WASHC5: variants seen among roughly 807,000 people sequenced by gnomAD.
WASHC5 encodes the protein WASH complex subunit 5.
A neutral mutation model predicts 150.4 loss-of-function variants in WASHC5; 101 were observed. The ratio of observed to expected loss-of-function variants is 0.67; its 90% CI spans 0.57 to 0.79. WASHC5 has a LOEUF of 0.79. Among genes scored for constraint, WASHC5 ranks in the 30% least tolerant of loss-of-function variants. The pLI is 0.00. For synonymous variants in WASHC5, 467 were observed against 491.2 expected (o/e 0.95, Z 0.65); for missense variants, 1,195 against 1,396.3 (o/e 0.86, Z 2.30).
chr8:125,076,481 G>A lies in WASHC5; in HGVS notation c.731C>T (p.Pro244Leu), dbSNP rs759414886. 31 of 1,613,710 alleles carry A rather than the reference G, an allele frequency of 1.9e-5. No homozygotes were observed. Among genetic ancestry groups the A allele is most frequent in the Middle Eastern group, 1.6e-4 (1 of 6,082 alleles). The change falls in exon 7 of 29, where the codon CCG (proline) becomes CTG (leucine). Residue 244 changes from proline (P) to leucine (L), a missense_variant. By Grantham distance (98) the Pro-to-Leu change is moderately conservative. This residue lies in a region of WASHC5 where 997 missense variants were observed against 1,168.1 expected (regional missense o/e 0.85). Transcript: ENST00000318410. ...IYNQVSAYPLPEHRSTALANQ... is the reference protein window; with the variant it reads ...IYNQVSAYPLLEHRSTALANQ... ...TGCCAGGGCTGTGCTGCGATGCTCC[G>A]GCAAAGGATACGCTGAGACCTGCAA...
intron 25 of WASHC5, among the ~76,000 whole-genome samples, chr8:125,037,953 C>T (rs780684371): frequency 1.3e-5 from 2 of 152,126 alleles, no homozygotes; most frequent in East Asian, 1.9e-4. Flanking sequence ...GGGTAGCACA[C>T]GGGTCAGAAG....
At position 125,059,653 on chromosome 8, in the gene WASHC5, A is replaced by G. The variant is rs1361994929; in HGVS notation, c.1522-111T>C. ...ACACTACTTCTGACAATTTCTTGAT[A>G]AAGTTTTTATTTCAAATTATAAATT... On this transcript the variant is annotated intron_variant, in intron 12 of 28. Transcript: ENST00000318410. The G allele has an allele frequency of 1.2e-5, 9 of 781,776 alleles. No homozygotes were observed. The Admixed American group carries it at 1.3e-4, about 12-fold the overall frequency. 48.4% of individuals were successfully genotyped at this position (781,776 alleles called of 1,614,324 possible). A position where few individuals can be genotyped will look rare whatever the true frequency, so the allele number is the denominator to read the frequency against.
intron 27 of WASHC5, among the ~76,000 whole-genome samples, chr8:125,031,133 C>T (rs1303297776): frequency 1.3e-5 from 2 of 152,144 alleles, no homozygotes; most frequent in African/African-American, 2.4e-5. Flanking sequence ...GAGAGTGTTC[C>T]AGCAGTGGCT....
In WASHC5 at chr8:125,028,600, C is replaced by T. The variant is rs1586329271; in HGVS notation, c.3423+20G>A. On this transcript the variant is annotated intron_variant, in intron 28 of 28. Transcript: ENST00000318410. ...TCTTTTTACAACTATTAATATTGTT[C>T]TTTACTATCTATCACTTACCCTCCT... is the stretch of plus-strand genomic sequence containing the variant. The T allele has an allele frequency of 1.3e-6, 2 of 1,536,998 alleles. No homozygotes were observed. The highest frequency in any genetic ancestry group is 2.2e-5 in the East Asian group (1 of 44,516).
intron 6 of WASHC5, among the ~76,000 whole-genome samples, chr8:125,077,578 C>T (rs1261116162): frequency 6.6e-6 from 1 of 152,158 alleles, no homozygotes; most frequent in Non-Finnish European, 1.5e-5. Flanking sequence ...GAAATGGAAG[C>T]ACATTGCCTT....
intron 27 of WASHC5, among the ~76,000 whole-genome samples, chr8:125,030,101 A>G (rs112057906): frequency 9.3e-4 from 141 of 152,336 alleles, no homozygotes; most frequent in African/African-American, 3.2e-3. Context: ...CTAGAGCCAC[A>G]CTTAAGCCTT....
chr8:125,071,731 T>C (rs927164683), intron 9 of WASHC5, among the ~76,000 whole-genome samples: 1 of 152,134 alleles, frequency 6.6e-6, no homozygotes, highest in Non-Finnish European at 1.5e-5. Flanking sequence ...TGAATTAGTT[T>C]CCCGCTGCTG....
At chr8:125,028,280 G>A (rs893155318) in intron 28 of WASHC5, among the ~76,000 whole-genome samples, 2 of 152,208 alleles carry the variant, frequency 1.3e-5, no homozygotes, top group African/African-American at 4.8e-5. Context: ...AGTGGAGAGA[G>A]AAAGAACAAA....
At chr8:125,087,567 T>C (rs1817456276) in intron 1 of WASHC5, among the ~76,000 whole-genome samples, 1 of 151,968 alleles carries the variant, frequency 6.6e-6, no homozygotes, top group Non-Finnish European at 1.5e-5. Flanking sequence ...TTGTCTCTAC[T>C]AAAAATCAAA....
At chr8:125,088,140 TC>T (rs923879374) in intron 1 of WASHC5, among the ~76,000 whole-genome samples, 3 of 151,990 alleles carry the variant, frequency 2.0e-5, no homozygotes, top group African/African-American at 7.3e-5. Flanking sequence ...ACTTACTGAC[TC>T]CCTCCTAAAG....
At chr8:125,028,034 C>T (rs1201152161) in intron 28 of WASHC5, among the ~76,000 whole-genome samples, 1 of 152,128 alleles carries the variant, frequency 6.6e-6, no homozygotes, top group African/African-American at 2.4e-5. Flanking sequence ...TCTTTGATTC[C>T]TAACCTACTA....
intron 1 of WASHC5, among the ~76,000 whole-genome samples, chr8:125,089,734 C>G (rs1817540049): frequency 6.6e-6 from 1 of 152,216 alleles, no homozygotes; most frequent in Admixed American, 6.5e-5. Context: ...TCTGGGATAA[C>G]GACAGAGATC....
intron 26 of WASHC5, among the ~76,000 whole-genome samples, chr8:125,036,664 C>T (rs1170569671): frequency 7.0e-6 from 1 of 143,118 alleles, no homozygotes; most frequent in Non-Finnish European, 1.5e-5. Context: ...TGAGTGAGAC[C>T]TTGTCTCAAA....
rs1183090851 is a variant in WASHC5 at position 125,042,713 on chromosome 8, AG to A, written c.2850+1111del. On this transcript the variant is annotated intron_variant, in intron 23 of 28. Coordinates refer to ENST00000318410, the MANE Select transcript of WASHC5 (RefSeq NM_014846.4). ...TCGGGTGATTCTTTATTCCTCCTAAAGGGTTTTCCAGCAATTAGAAACTTGG... is the reference window on the plus strand; with the variant it reads ...TCGGGTGATTCTTTATTCCTCCTAAAGGTTTTCCAGCAATTAGAAACTTGG... Among the ~76,000 whole-genome samples, 3 of 152,154 alleles carry A rather than the reference AG, an allele frequency of 2.0e-5. No individual in the cohort carries two copies. The East Asian group carries it at 5.8e-4, about 29-fold the overall frequency.
chr8:125,083,911 C>G lies in WASHC5; in HGVS notation c.-13G>C. 1 of 1,612,142 alleles carries G rather than the reference C, an allele frequency of 6.2e-7. No individual in the cohort carries two copies. Among genetic ancestry groups the G allele is most frequent in the African/African-American group, 1.3e-5 (1 of 74,944 alleles). ...GAAAGTCCAACATTGTGAGGCGGACCGACTACTCTGTGCCTGGACACTGGG... is the reference window on the plus strand; with the variant it reads ...GAAAGTCCAACATTGTGAGGCGGACGGACTACTCTGTGCCTGGACACTGGG... On this transcript the variant is annotated 5_prime_UTR_variant, in exon 2 of 29. Coordinates refer to ENST00000318410, the MANE Select transcript of WASHC5 (RefSeq NM_014846.4).
intron 20 of WASHC5, among the ~76,000 whole-genome samples, chr8:125,045,249 T>C (rs918708251): frequency 7.2e-5 from 11 of 152,214 alleles, no homozygotes; most frequent in Non-Finnish European, 1.3e-4. Flanking sequence ...CTCAGAAGTG[T>C]GATGATGACA....
At position 125,059,361 on chromosome 8, in the gene WASHC5, G is replaced by A. The variant is rs1056736418; in HGVS notation, c.1688+15C>T. ...GGCCTTTCATCTACAGCAAATGTCAGGCTGCCTACATTACCTGTCAATCAA... is the reference window on the plus strand; with the variant it reads ...GGCCTTTCATCTACAGCAAATGTCAAGCTGCCTACATTACCTGTCAATCAA... On this transcript the variant is annotated intron_variant, in intron 13 of 28. Coordinates refer to ENST00000318410, the MANE Select transcript of WASHC5 (RefSeq NM_014846.4). 2.5e-6 allele frequency: 4 copies of A among 1,613,976 alleles called. No individual in the cohort carries two copies. Among genetic ancestry groups the A allele is most frequent in the South Asian group, 1.1e-5 (1 of 91,086 alleles).
chr8:125,057,533 T>C (rs1207753810), intron 15 of WASHC5, 23 bp downstream of exon 15: 1 of 1,447,368 alleles, frequency 6.9e-7, no homozygotes, highest in Admixed American at 1.7e-5. Flanking sequence ...CAAGAGTAAA[T>C]ATCACCCTGA....
chr8:125,041,638 C>CA (rs34663374), intron 23 of WASHC5, among the ~76,000 whole-genome samples: 18,832 of 145,054 alleles, frequency 0.13, 2,858 homozygotes, highest in African/African-American at 0.37. Flanking sequence ...GAGACTGTCT[C>CA]AAAAAAAAAA....
Sources: allele counts gnomAD v4.1 joint callset (sites outside exome capture counted in the v4.1 genomes callset), GRCh38; gene constraint gnomAD v4.1.1; regional missense constraint gnomAD v4.1.1; transcripts MANE v1.5; gene names NCBI Gene and HGNC (gene_info 2026-07-23, HGNC 2026-07-21).